The following PCDHA3 variants were observed in gnomAD, a reference collection of about 807,000 sequenced individuals.
The protein encoded by PCDHA3 is protocadherin alpha-3.
PCDHA3 carries 41 observed loss-of-function variants against 62.2 expected under a neutral mutation model. The observed-to-expected ratio is 0.66, with a 90% CI of 0.51 to 0.86. The LOEUF (loss-of-function observed/expected upper bound fraction) is 0.86, where lower values mean the gene tolerates loss of function less well. PCDHA3 is among the 40% of genes least tolerant of loss of function. The probability of loss-of-function intolerance (pLI) is 0.00; values close to 1 mark genes in which losing one functional copy is unlikely to be tolerated. For missense variants in PCDHA3, 1,304 were observed against 1,241.2 expected (o/e 1.05, Z -0.76); for synonymous variants, 640 against 555.4 (o/e 1.15, Z -2.14).
intron 1 of PCDHA3, chr5:140,926,635 C>A: frequency 2.3e-6 from 1 of 442,720 alleles, no homozygotes; most frequent in Non-Finnish European, 3.8e-6. Context: ...CTGCGCTCCT[C>A]AACACCCGGC....
In PCDHA3 at chr5:140,802,565, G is replaced by A; in HGVS notation, c.1368G>A (p.Ser456=). Residue 456 remains serine (S), a synonymous_variant, in exon 1 of 4, where the codon TCG becomes TCA. Transcript: ENST00000522353. ...ADVNDNAPAF[S]QSEYTVFVKE... The stretch of plus-strand genomic sequence containing the variant: ...TGAACGACAATGCGCCGGCATTCTC[G>A]CAGTCCGAGTACACGGTGTTCGTGA... 1 of 1,614,162 alleles carries A rather than the reference G, an allele frequency of 6.2e-7. No individual in the cohort carries two copies. The highest frequency in any genetic ancestry group is 1.1e-5 in the South Asian group (1 of 91,082).
chr5:140,847,431 G>C (rs1781013253), intron 1 of PCDHA3: 1 of 149,628 alleles, frequency 6.7e-6, no homozygotes, highest in South Asian at 2.1e-4. Flanking sequence ...CTTTAGACTT[G>C]AGATACACTA....
At chr5:140,987,318 A>C (rs148008812) in intron 3 of PCDHA3, among the ~76,000 whole-genome samples, 3,398 of 152,304 alleles carry the variant, frequency 0.022, 70 homozygotes, top group Admixed American at 0.058. Flanking sequence ...TGTACTGTGA[A>C]GTTTTAAGAA....
intron 1 of PCDHA3, chr5:140,841,180 T>C (rs1240672085): frequency 8.7e-7 from 1 of 1,146,740 alleles, no homozygotes; most frequent in Non-Finnish European, 1.2e-6. Flanking sequence ...TGGTCAATGT[T>C]CAAAGTCTTT....
intron 1 of PCDHA3, among the ~76,000 whole-genome samples, chr5:140,919,297 G>C (rs1351756549): frequency 6.6e-6 from 1 of 152,120 alleles, no homozygotes; most frequent in African/African-American, 2.4e-5. Context: ...GTTGCTGTTT[G>C]TACAATATAT....
chr5:140,808,466 G>A, intron 1 of PCDHA3: 1 of 1,614,182 alleles, frequency 6.2e-7, no homozygotes. Context: ...GGTGGTGACC[G>A]CGCGAGACGG....
intron 3 of PCDHA3, among the ~76,000 whole-genome samples, chr5:141,006,540 A>T (rs868906531): frequency 1.6e-4 from 25 of 152,182 alleles, no homozygotes; most frequent in Admixed American, 3.3e-4. Context: ...AAAGAGAGAC[A>T]TTAAGAAATA....
intron 1 of PCDHA3, chr5:140,808,816 A>G (rs2879086): frequency 0.54 from 868,261 of 1,612,650 alleles, 235,441 homozygotes; most frequent in African/African-American, 0.7. Context: ...CCGGCGTGCC[A>G]CCTCTGGGCA....
intron 1 of PCDHA3, chr5:140,876,130 C>T: frequency 6.2e-7 from 1 of 1,613,938 alleles, no homozygotes; most frequent in Non-Finnish European, 8.5e-7. Context: ...TGGCGGTAAA[C>T]CAGAACTAAC....
At chr5:140,925,092 AGGAAGGAAGGAAGGAG>A (rs1190692996) in intron 1 of PCDHA3, among the ~76,000 whole-genome samples, 1 of 151,410 alleles carries the variant, frequency 6.6e-6, no homozygotes, top group Non-Finnish European at 1.5e-5. Flanking sequence ...AAAGGAAGGA[AGGAAGGAAGGAAGGAG>A]GGAAGGAAGG....
intron 1 of PCDHA3, among the ~76,000 whole-genome samples, chr5:140,976,809 T>C (rs1563451400): frequency 6.6e-6 from 1 of 152,220 alleles, no homozygotes; most frequent in Non-Finnish European, 1.5e-5. Flanking sequence ...TATCTGAAGA[T>C]ATGCATGTGT....
chr5:140,881,581 T>C (rs782420499), intron 1 of PCDHA3, among the ~76,000 whole-genome samples: 2 of 152,222 alleles, frequency 1.3e-5, no homozygotes, highest in African/African-American at 2.4e-5. Context: ...TCAAGTCACA[T>C]TGAGGGAAAT....
chr5:140,823,029 G>C (rs2150121512), intron 1 of PCDHA3: 2 of 1,614,104 alleles, frequency 1.2e-6, no homozygotes, highest in African/African-American at 1.3e-5. Context: ...AGAGCGTGTC[G>C]GTCTATGAGC....
chr5:140,911,971 C>G (rs1041878022), intron 1 of PCDHA3, among the ~76,000 whole-genome samples: 5 of 152,266 alleles, frequency 3.3e-5, no homozygotes, highest in African/African-American at 1.2e-4. Flanking sequence ...GGAGTATTAA[C>G]TCACATGATC....
intron 3 of PCDHA3, among the ~76,000 whole-genome samples, chr5:140,994,216 G>A (rs2097604981): frequency 6.6e-6 from 1 of 152,178 alleles, no homozygotes; most frequent in Non-Finnish European, 1.5e-5. Flanking sequence ...GGGACCCAGG[G>A]TCTGTCTATG....
At chr5:140,821,803 G>A (rs2150110763) in intron 1 of PCDHA3, 1 of 1,613,140 alleles carries the variant, frequency 6.2e-7, no homozygotes, top group African/African-American at 1.3e-5. Flanking sequence ...AGGAAGTCTG[G>A]GATCCCGGCT....
In PCDHA3 at chr5:140,802,859, C is replaced by T. The variant is rs781937723; in HGVS notation, c.1662C>T (p.Phe554=). 1.2e-6 allele frequency: 2 copies of T among 1,612,912 alleles called. No homozygotes were observed. The highest frequency in any genetic ancestry group is 1.7e-5 in the Admixed American group (1 of 59,972). Residue 554 remains phenylalanine, a synonymous_variant, in exon 1 of 4, where the codon TTC becomes TTT. Coordinates refer to ENST00000522353, the MANE Select transcript of PCDHA3 (RefSeq NM_018906.3). ...PLGSNVTLQV[F]VLDENDNAPA... is the part of the protein sequence containing the mutation. Reference sequence around the variant, plus strand: ...GCAGCAACGTGACGCTGCAGGTGTTCGTGCTGGACGAGAACGACAACGCGC... The same window carrying T: ...GCAGCAACGTGACGCTGCAGGTGTTTGTGCTGGACGAGAACGACAACGCGC...
intron 1 of PCDHA3, chr5:140,929,850 G>T: frequency 6.5e-6 from 1 of 154,348 alleles, no homozygotes. Flanking sequence ...GAGGAGGAAG[G>T]AGTCAGAGAA....
At chr5:140,935,732 A>G (rs933243274) in intron 1 of PCDHA3, among the ~76,000 whole-genome samples, 3 of 152,212 alleles carry the variant, frequency 2.0e-5, no homozygotes, top group African/African-American at 4.8e-5. Flanking sequence ...GAAGTCTAGT[A>G]TCTATTATTC....
Sources: allele counts gnomAD v4.1 joint callset (sites outside exome capture counted in the v4.1 genomes callset), GRCh38; gene constraint gnomAD v4.1.1; transcripts MANE v1.5; gene names NCBI Gene and HGNC (gene_info 2026-07-23, HGNC 2026-07-21).